The following NUP93 variants were observed in gnomAD, a reference collection of about 807,000 sequenced individuals.
NUP93 encodes nucleoporin 93, also known as nuclear pore complex protein Nup93.
In NUP93, 55 loss-of-function variants were observed where a neutral mutation model predicts 107.8. The observed-to-expected ratio is 0.51, with a 90% CI of 0.41 to 0.64. NUP93 has a LOEUF of 0.64. Ranked by LOEUF, NUP93 falls within the 30% of genes least tolerant of loss-of-function variation. The pLI, the probability that NUP93 is intolerant of heterozygous loss-of-function variation, is 0.00. For synonymous variants in NUP93, 390 were observed against 397.5 expected (o/e 0.98, Z 0.22); for missense variants, 937 against 1,044.7 (o/e 0.90, Z 1.42).
At chr16:56,767,467 T>G (rs571232478) in intron 3 of NUP93, among the ~76,000 whole-genome samples, 25 of 152,344 alleles carry the variant, frequency 1.6e-4, no homozygotes, top group African/African-American at 6.0e-4. Context: ...ATGGATTTAC[T>G]TCCTGATTTT....
chr16:56,817,700 G>A (rs1415345340), intron 5 of NUP93, among the ~76,000 whole-genome samples: 2 of 152,128 alleles, frequency 1.3e-5, no homozygotes, highest in African/African-American at 4.8e-5. Context: ...ATGTGATGGT[G>A]GCTGGCTTCA....
intron 8 of NUP93, among the ~76,000 whole-genome samples, chr16:56,824,988 A>G (rs1323401401): frequency 7.2e-5 from 11 of 152,152 alleles, no homozygotes; most frequent in African/African-American, 2.7e-4. Context: ...ACCTACATAC[A>G]TAGTAGCATT....
chr16:56,791,867 C>T (rs1383673932), intron 3 of NUP93, among the ~76,000 whole-genome samples: 1 of 152,194 alleles, frequency 6.6e-6, no homozygotes, highest in African/African-American at 2.4e-5. Flanking sequence ...AATAGTAGCA[C>T]TATTTTGGAA....
intron 3 of NUP93, among the ~76,000 whole-genome samples, chr16:56,783,113 T>G (rs1962549113): frequency 6.6e-6 from 1 of 152,212 alleles, no homozygotes; most frequent in African/African-American, 2.4e-5. Flanking sequence ...AAAAAGCAGC[T>G]TGTTTGTTGT....
At chr16:56,768,545 A>G (rs1869513403) in intron 3 of NUP93, among the ~76,000 whole-genome samples, 1 of 150,408 alleles carries the variant, frequency 6.6e-6, no homozygotes, top group African/African-American at 2.5e-5. Context: ...CCTGGGTGAC[A>G]AAAGCAAAAC....
intron 1 of NUP93, among the ~76,000 whole-genome samples, chr16:56,732,073 A>C (rs1352934987): frequency 6.6e-6 from 1 of 152,166 alleles, no homozygotes; most frequent in African/African-American, 2.4e-5. Flanking sequence ...TTGTGCTTGC[A>C]AGTTAATATC....
intron 2 of NUP93, among the ~76,000 whole-genome samples, chr16:56,750,472 A>T (rs1961898230): frequency 6.6e-6 from 1 of 152,244 alleles, no homozygotes; most frequent in African/African-American, 2.4e-5. Context: ...TATGTGCCAA[A>T]TTTATTTATT....
At chr16:56,784,713 A>G (rs1353782416) in intron 3 of NUP93, among the ~76,000 whole-genome samples, 1 of 152,240 alleles carries the variant, frequency 6.6e-6, no homozygotes, top group African/African-American at 2.4e-5. Flanking sequence ...AATTTGCTCA[A>G]CATGCTTTAT....
intron 8 of NUP93, among the ~76,000 whole-genome samples, chr16:56,827,044 CAAAAAAAAAAAAA>C (rs1188027635): frequency 3.7e-5 from 2 of 53,588 alleles, no homozygotes; most frequent in African/African-American, 7.0e-5. Flanking sequence ...GACTCCGTCT[CAAAAAAAAAAAAA>C]AAAAAAAAAA....
chr16:56,809,445 G>C (rs779142315), intron 5 of NUP93, among the ~76,000 whole-genome samples: 4 of 152,044 alleles, frequency 2.6e-5, no homozygotes, highest in Non-Finnish European at 5.9e-5. Flanking sequence ...TAGAGGTGAA[G>C]ATTTAAAATT....
chr16:56,795,266 G>A (rs73557705), intron 3 of NUP93, among the ~76,000 whole-genome samples: 4,304 of 152,216 alleles, frequency 0.028, 73 homozygotes, highest in South Asian at 0.06. Context: ...TTTGTGAACC[G>A]TGACACTAAA....
At chr16:56,802,372 A>G (rs1380188944) in intron 4 of NUP93, among the ~76,000 whole-genome samples, 1 of 137,714 alleles carries the variant, frequency 7.3e-6, no homozygotes, top group Non-Finnish European at 1.5e-5. Context: ...TTCATGTTTA[A>G]AGTTTACAGA....
Position 56,848,657 on chromosome 16 carries a change from C to G in NUP93, c.*4048C>G, listed in dbSNP as rs951329227. 6.6e-6 allele frequency: 1 copy of G among 152,200 alleles called. No homozygotes were observed. The highest frequency in any genetic ancestry group is 1.5e-5 in the Non-Finnish European group (1 of 68,042). The allele number at this position is 152,200 out of a possible 1,614,324, so 9.4% of individuals were successfully genotyped here. A position where few individuals can be genotyped will look rare whatever the true frequency, so the allele number is the denominator to read the frequency against. On this transcript the variant is annotated 3_prime_UTR_variant, in exon 22 of 22. Transcript: ENST00000308159. Reference sequence around the variant, plus strand: ...AAAAGTTAAAAATTACTAAAGTGTTCTGAAAAGAGATTTCAAGTGGTCTGT... The same window carrying G: ...AAAAGTTAAAAATTACTAAAGTGTTGTGAAAAGAGATTTCAAGTGGTCTGT...
chr16:56,844,533 T>G lies in NUP93; in HGVS notation c.2384T>G (p.Phe795Cys). The G allele has an allele frequency of 6.5e-7, 1 of 1,546,036 alleles. No homozygotes were observed. Among genetic ancestry groups the G allele is most frequent in the Non-Finnish European group, 8.7e-7 (1 of 1,146,210 alleles). Residue 795 changes from phenylalanine to cysteine, a missense_variant, in exon 22 of 22, where the codon TTT becomes TGT. Coordinates refer to ENST00000308159, the MANE Select transcript of NUP93 (RefSeq NM_014669.5). The part of the protein sequence containing the change: ...LRSQARTLIT[F>C]AGMIPYRTSG... ...AGTCAAGCCCGCACTCTGATTACCTTTGCTGGAATGATACCATACCGAACG... is the reference window on the plus strand; with the variant it reads ...AGTCAAGCCCGCACTCTGATTACCTGTGCTGGAATGATACCATACCGAACG...
intron 2 of NUP93, among the ~76,000 whole-genome samples, chr16:56,750,817 A>G (rs751888283): frequency 1.3e-5 from 2 of 152,186 alleles, no homozygotes; most frequent in Non-Finnish European, 2.9e-5. Context: ...GACTCCTGGT[A>G]TAAATAATAA....
chr16:56,818,669 C>A lies in NUP93; in HGVS notation c.495C>A (p.Ser165Arg). The A allele has an allele frequency of 6.2e-7, 1 of 1,613,920 alleles. No individual in the cohort carries two copies. The highest frequency in any genetic ancestry group is 8.5e-7 in the Non-Finnish European group (1 of 1,179,790). ...GAATGTGTATTTATCCACAGCCAAG[C>A]TACATCAGTGATGTGGGACCCCCTG... ...ALDFTQESEP[S>R]YISDVGPPGR... is the part of the protein sequence containing the mutation. The change falls in exon 6 of 22, where the codon AGC becomes AGA. Residue 165 changes from serine to arginine, a missense_variant. By Grantham distance (110) the Ser-to-Arg change is moderately radical (BLOSUM62 -1). Coordinates refer to ENST00000308159, the MANE Select transcript of NUP93 (RefSeq NM_014669.5).
intron 1 of NUP93, among the ~76,000 whole-genome samples, chr16:56,731,110 G>A (rs1163928702): frequency 6.6e-6 from 1 of 151,846 alleles, no homozygotes; most frequent in Non-Finnish European, 1.5e-5. Flanking sequence ...CATTGATGGT[G>A]ATTTCATAGC....
intron 14 of NUP93, 41 bp from the exon 15 acceptor site, chr16:56,834,329 C>T (rs1963865959): frequency 6.2e-7 from 1 of 1,613,894 alleles, no homozygotes. Flanking sequence ...TTAGAGACCT[C>T]ATGTCCAGAC....
intron 2 of NUP93, among the ~76,000 whole-genome samples, chr16:56,750,329 G>A (rs1961895908): frequency 6.6e-6 from 1 of 152,190 alleles, no homozygotes; most frequent in Admixed American, 6.5e-5. Flanking sequence ...AAAGTGTGGT[G>A]TGAATATTTT....
Sources: gnomAD v4.1 joint callset for allele counts (sites outside exome capture counted in the v4.1 genomes callset) on GRCh38, gnomAD v4.1.1 for gene constraint, MANE v1.5 for transcripts, NCBI Gene and HGNC (gene_info 2026-07-23, HGNC 2026-07-21) for gene names.